The following SORCS3 variants were observed in gnomAD, a reference collection of about 807,000 sequenced individuals.
SORCS3 encodes sortilin related VPS10 domain containing receptor 3.
A neutral mutation model predicts 146.3 loss-of-function variants in SORCS3; 57 were observed. That is an observed-to-expected ratio of 0.39 (90% CI 0.31 to 0.49). SORCS3 has a LOEUF of 0.49. SORCS3 is among the 20% of genes least tolerant of loss of function. SORCS3 has a pLI of 0.92. For missense variants in SORCS3, 1,341 were observed against 1,575.5 expected (o/e 0.85, Z 2.52); for synonymous variants, 653 against 618.5 (o/e 1.06, Z -0.83).
intron 10 of SORCS3, among the ~76,000 whole-genome samples, chr10:105,158,505 A>G (rs2056231650): frequency 6.6e-6 from 1 of 152,172 alleles, no homozygotes; most frequent in East Asian, 1.9e-4. Context: ...GAGGGCCCTT[A>G]CAACTCCAAG....
At chr10:104,871,761 C>T (rs910007087) in intron 2 of SORCS3, among the ~76,000 whole-genome samples, 1 of 152,152 alleles carries the variant, frequency 6.6e-6, no homozygotes, top group African/African-American at 2.4e-5. Context: ...TGAGACACAA[C>T]TTAAAGGTGA....
At chr10:104,669,662 A>T (rs1589452384) in intron 1 of SORCS3, among the ~76,000 whole-genome samples, 1 of 152,188 alleles carries the variant, frequency 6.6e-6, no homozygotes, top group Non-Finnish European at 1.5e-5. Flanking sequence ...GGTTGCTTTC[A>T]TATTTCAGCT....
chr10:105,133,450 C>G (rs1305912999), intron 7 of SORCS3, among the ~76,000 whole-genome samples: 1 of 152,144 alleles, frequency 6.6e-6, no homozygotes, highest in African/African-American at 2.4e-5. Flanking sequence ...TATAAGGGTT[C>G]AGATGTAGGC....
chr10:105,129,910 G>A (rs897812076), intron 7 of SORCS3, among the ~76,000 whole-genome samples: 1 of 152,020 alleles, frequency 6.6e-6, no homozygotes, highest in African/African-American at 2.4e-5. Context: ...CTGATCAACT[G>A]GGATCAGGTG....
chr10:104,887,299 T>A (rs1479689962), intron 2 of SORCS3, among the ~76,000 whole-genome samples: 2 of 152,084 alleles, frequency 1.3e-5, no homozygotes, highest in Non-Finnish European at 2.9e-5. Flanking sequence ...AAGAAAGAGC[T>A]GGGCAGAGAG....
At chr10:104,814,559 T>C (rs188603729) in intron 1 of SORCS3, among the ~76,000 whole-genome samples, 44 of 152,296 alleles carry the variant, frequency 2.9e-4, no homozygotes, top group African/African-American at 1.0e-3. Context: ...AGAACTCAAC[T>C]TGGACATCAA....
intron 1 of SORCS3, among the ~76,000 whole-genome samples, chr10:104,818,967 A>C (rs571847294): frequency 6.6e-6 from 1 of 152,316 alleles, no homozygotes; most frequent in South Asian, 2.1e-4. Flanking sequence ...AAGTGAAACA[A>C]AACTAAATTC....
rs533925483 is a variant in SORCS3, at chr10:104,764,088, G to C, written c.628-78704G>C. On this transcript the variant is annotated intron_variant, in intron 1 of 26. Transcript: ENST00000369701. ...TGGACTAATACATTAATTTTACATA[G>C]TTTTCTGTTTTGGCTTGATGCAGGA... 1.4e-3 allele frequency among the ~76,000 whole-genome samples: 209 copies of C among 149,702 alleles called. 1 individual carries two copies. Among genetic ancestry groups the C allele is most frequent in the Non-Finnish European group, 2.7e-3 (182 of 67,734 alleles).
rs753972777 is a variant in SORCS3, at chr10:105,147,713, C to T, written c.1399C>T (p.Arg467Cys). Residue 467 changes from arginine (R) to cysteine (C), a missense_variant, in exon 9 of 27, where the codon CGT becomes TGT. By Grantham distance (180) the Arg-to-Cys change is radical. Coordinates refer to ENST00000369701, the MANE Select transcript of SORCS3 (RefSeq NM_014978.3). ...DTYNLYISDTRGIYFTLAMEN... is the reference protein window; with the variant it reads ...DTYNLYISDTCGIYFTLAMEN... ...GTACAACCTCTACATCTCAGACACG[C>T]GTGGGATTTACTTCACTCTGGCCAT... The T allele has an allele frequency of 1.1e-5, 18 of 1,612,976 alleles. No homozygotes were observed. The highest frequency in any genetic ancestry group is 1.5e-5 in the Non-Finnish European group (18 of 1,179,334).
intron 24 of SORCS3, among the ~76,000 whole-genome samples, chr10:105,256,419 T>C (rs1029182601): frequency 6.6e-6 from 1 of 152,090 alleles, no homozygotes; most frequent in South Asian, 2.1e-4. Flanking sequence ...ATCAGAACAG[T>C]GTAAAGGAAG....
At chr10:104,812,282 A>G (rs965728157) in intron 1 of SORCS3, among the ~76,000 whole-genome samples, 1 of 152,214 alleles carries the variant, frequency 6.6e-6, no homozygotes, top group African/African-American at 2.4e-5. Context: ...TTGCGTATCT[A>G]AAATGTCAGA....
chr10:104,842,000 G>A (rs1337738332), intron 1 of SORCS3, among the ~76,000 whole-genome samples: 1 of 152,198 alleles, frequency 6.6e-6, no homozygotes, highest in Non-Finnish European at 1.5e-5. Flanking sequence ...GGCAGGTAGG[G>A]CAACATCTGA....
At chr10:104,756,870 G>A (rs1333680376) in intron 1 of SORCS3, among the ~76,000 whole-genome samples, 1 of 152,132 alleles carries the variant, frequency 6.6e-6, no homozygotes, top group Non-Finnish European at 1.5e-5. Context: ...TGATACTTGG[G>A]TTAGTGATTT....
chr10:105,130,487 G>T (rs2056010967), intron 7 of SORCS3, among the ~76,000 whole-genome samples: 1 of 152,058 alleles, frequency 6.6e-6, no homozygotes, highest in Non-Finnish European at 1.5e-5. Flanking sequence ...AAGTTGCTCG[G>T]CAGGGCTGCT....
intron 7 of SORCS3, among the ~76,000 whole-genome samples, chr10:105,120,599 T>TTTA (rs2055925522): frequency 6.6e-6 from 1 of 152,152 alleles, no homozygotes; most frequent in Admixed American, 6.5e-5. Flanking sequence ...CCCTTATAAA[T>TTTA]TACTAAGACT....
intron 4 of SORCS3, among the ~76,000 whole-genome samples, chr10:105,020,815 T>C (rs975586644): frequency 6.6e-6 from 1 of 152,220 alleles, no homozygotes; most frequent in African/African-American, 2.4e-5. Flanking sequence ...TGAAGGACTT[T>C]CTGCCATTCG....
intron 1 of SORCS3, among the ~76,000 whole-genome samples, chr10:104,702,035 C>T (rs2133431353): frequency 6.6e-6 from 1 of 152,286 alleles, no homozygotes; most frequent in South Asian, 2.1e-4. Context: ...AGCAACCATA[C>T]ACAATGCATA....
At chr10:104,725,210 T>C (rs890726473) in intron 1 of SORCS3, among the ~76,000 whole-genome samples, 3 of 152,254 alleles carry the variant, frequency 2.0e-5, no homozygotes, top group Admixed American at 2.0e-4. Flanking sequence ...GACCCTCAGA[T>C]GCAGGTCTGT....
At chr10:104,876,948 C>T (rs529442642) in intron 2 of SORCS3, among the ~76,000 whole-genome samples, 1 of 152,178 alleles carries the variant, frequency 6.6e-6, no homozygotes, top group South Asian at 2.1e-4. Context: ...CTCAGCCTTC[C>T]AGGCCCAAGC....
Sources: allele counts gnomAD v4.1 joint callset (sites outside exome capture counted in the v4.1 genomes callset), GRCh38; gene constraint gnomAD v4.1.1; transcripts MANE v1.5; gene names NCBI Gene and HGNC (gene_info 2026-07-23, HGNC 2026-07-21).